TTBK2: variants seen among roughly 807,000 people sequenced by gnomAD.
The protein encoded by TTBK2 is tau tubulin kinase 2.
Under a neutral mutation model 110.8 loss-of-function variants are expected in TTBK2, and 28 were observed. The observed-to-expected ratio is 0.25, with a 90% CI of 0.19 to 0.35. The LOEUF is 0.35. TTBK2 is among the 10% of genes least tolerant of loss of function. The pLI is 1.00. For missense variants in TTBK2, 1,369 were observed against 1,500.3 expected (o/e 0.91, Z 1.45); for synonymous variants, 532 against 527.3 (o/e 1.01, Z -0.12).
At chr15:42,805,145 A>G (rs1052184623) in intron 9 of TTBK2, among the ~76,000 whole-genome samples, 1 of 152,232 alleles carries the variant, frequency 6.6e-6, no homozygotes, top group African/African-American at 2.4e-5. Context: ...AAATGTTAAC[A>G]AAACACAGTC....
rs1595965334 is a variant in TTBK2, at chr15:42,835,257, G to T, written c.291+5103C>A. 2.0e-5 allele frequency among the ~76,000 whole-genome samples: 3 copies of T among 152,242 alleles called. No individual in the cohort carries two copies. The South Asian group carries it at 6.2e-4, about 32-fold the overall frequency. On this transcript the variant is annotated intron_variant, in intron 4 of 14. Transcript: ENST00000267890. ...TCAGACTGACAATGCTGAACTCACT[G>T]ACCAATCTTAACCTCACTGAAAGAC... is the stretch of plus-strand genomic sequence containing the variant.
intron 13 of TTBK2, among the ~76,000 whole-genome samples, chr15:42,760,441 T>C (rs558480396): frequency 3.5e-5 from 5 of 144,534 alleles, no homozygotes; most frequent in Admixed American, 1.4e-4. Flanking sequence ...AAAAATACAA[T>C]TGAGAGCTTC....
chr15:42,777,065 G>T lies in TTBK2; in HGVS notation c.1375C>A (p.Pro459Thr). 1.2e-6 allele frequency: 2 copies of T among 1,614,048 alleles called. No homozygotes were observed. Among genetic ancestry groups the T allele is most frequent in the Non-Finnish European group, 1.7e-6 (2 of 1,179,982 alleles). ...FELEKRLTLEPKPDTDKFLET... is the reference protein window; with the variant it reads ...FELEKRLTLETKPDTDKFLET... ...AGGAACTTGTCAGTGTCTGGCTTTG[G>T]CTCCAGGGTCAGACGTTTTTCCAGC... is the stretch of plus-strand genomic sequence containing the variant. The change falls in exon 12 of 15, where the codon CCA becomes ACA. Residue 459 changes from proline to threonine, a missense_variant. Around this residue, in one of 4 missense-constraint regions of TTBK2, gnomAD observed 1,097 missense variants for 1,114.7 expected, o/e 0.98. Coordinates refer to ENST00000267890, the MANE Select transcript of TTBK2 (RefSeq NM_173500.4).
At chr15:42,864,980 T>C (rs1894309037) in intron 3 of TTBK2, among the ~76,000 whole-genome samples, 1 of 152,126 alleles carries the variant, frequency 6.6e-6, no homozygotes, top group Admixed American at 6.5e-5. Context: ...TACAATGATA[T>C]AAAGGACAGG....
chr15:42,881,185 AGGCAGGAGAAT>A (rs1178258259), intron 1 of TTBK2, among the ~76,000 whole-genome samples: 1 of 147,194 alleles, frequency 6.8e-6, no homozygotes, highest in Admixed American at 7.0e-5. Flanking sequence ...CAGGAGGCTG[AGGCAGGAGAAT>A]GGCGTGAACC....
chr15:42,828,070 A>G, intron 5 of TTBK2, 38 bp from the exon 6 acceptor site: 1 of 1,448,488 alleles, frequency 6.9e-7, no homozygotes, highest in South Asian at 1.2e-5. Context: ...ACATTCTTAT[A>G]ATACTTAGTC....
chr15:42,864,110 A>AAGCAACCTAGAAACT (rs1894268276), intron 3 of TTBK2, among the ~76,000 whole-genome samples: 2 of 152,182 alleles, frequency 1.3e-5, no homozygotes, highest in South Asian at 4.1e-4. Flanking sequence ...AACTTCCACA[A>AAGCAACCTAGAAACT]AGCAACCTAG....
chr15:42,919,806 A>C, intron 1 of TTBK2: 1 of 985,414 alleles, frequency 1.0e-6, no homozygotes. Context: ...CTGTAGAATA[A>C]AGTATCCTGG....
intron 2 of TTBK2, among the ~76,000 whole-genome samples, chr15:42,878,018 T>C (rs77410248): frequency 7.3e-6 from 1 of 137,066 alleles, no homozygotes; most frequent in Non-Finnish European, 1.6e-5. Context: ...TTTTCCTTAA[T>C]AAAAAAAAAA....
intron 13 of TTBK2, among the ~76,000 whole-genome samples, chr15:42,771,022 G>A (rs1183588967): frequency 4.6e-5 from 7 of 151,090 alleles, no homozygotes; most frequent in African/African-American, 1.7e-4. Flanking sequence ...CGCCCAGGCT[G>A]GAGTGCAGTG....
intron 6 of TTBK2, among the ~76,000 whole-genome samples, chr15:42,827,539 C>T (rs1892583886): frequency 6.6e-6 from 1 of 152,082 alleles, no homozygotes; most frequent in African/African-American, 2.4e-5. Flanking sequence ...CTTGATTAAA[C>T]AAGTAAAAGA....
chr15:42,886,329 C>T (rs1895245417), intron 1 of TTBK2, among the ~76,000 whole-genome samples: 1 of 152,190 alleles, frequency 6.6e-6, no homozygotes, highest in South Asian at 2.1e-4. Context: ...CCCTCTCCCA[C>T]CTGCCCAACA....
intron 11 of TTBK2, 113 bp downstream of exon 11, chr15:42,783,306 G>T: frequency 2.0e-6 from 2 of 987,276 alleles, no homozygotes; most frequent in Non-Finnish European, 1.6e-6. Context: ...CAGCAAGGAG[G>T]AGCCACAAAA....
intron 6 of TTBK2, among the ~76,000 whole-genome samples, chr15:42,823,635 G>A (rs760283353): frequency 3.2e-4 from 49 of 152,214 alleles, no homozygotes; most frequent in Non-Finnish European, 6.0e-4. Flanking sequence ...TAGTCCATTT[G>A]TACTGCTACA....
intron 11 of TTBK2, among the ~76,000 whole-genome samples, chr15:42,782,134 T>C (rs977541006): frequency 9.9e-5 from 15 of 152,152 alleles, no homozygotes; most frequent in African/African-American, 3.1e-4. Flanking sequence ...TGCAGTGGCA[T>C]GATCTTGGCT....
Position 42,783,571 on chromosome 15 carries a change from C to T in TTBK2, c.1045G>A (p.Asp349Asn). 6.2e-7 allele frequency: 1 copy of T among 1,614,058 alleles called. No homozygotes were observed. Among genetic ancestry groups the T allele is most frequent in the Non-Finnish European group, 8.5e-7 (1 of 1,180,042 alleles). ...LRENTDEVFP[D>N]EQLSDGENGI... is the part of the protein sequence containing the mutation. ...TTTTCTCCATCGCTAAGCTGTTCAT[C>T]TGGAAATACCTCATCTGTATTTTCT... The change falls in exon 11 of 15, where the codon GAT (aspartate) becomes AAT (asparagine). Residue 349 changes from aspartate (D) to asparagine (N), a missense_variant. By Grantham distance (23) the Asp-to-Asn change is conservative. This residue lies in a region of TTBK2 where 1,097 missense variants were observed against 1,114.7 expected (regional missense o/e 0.98). Transcript: ENST00000267890.
At chr15:42,897,576 T>TAAA (rs1895715390) in intron 1 of TTBK2, among the ~76,000 whole-genome samples, 2 of 152,278 alleles carry the variant, frequency 1.3e-5, no homozygotes, top group Admixed American at 1.3e-4. Context: ...AAGCAAAGTC[T>TAAA]GGGCTAAAAG....
At chr15:42,817,317 C>T (rs1892082132) in intron 6 of TTBK2, among the ~76,000 whole-genome samples, 1 of 151,550 alleles carries the variant, frequency 6.6e-6, no homozygotes, top group Admixed American at 6.6e-5. Context: ...ATTTTCAGTC[C>T]AGTTTTTTCC....
intron 14 of TTBK2, among the ~76,000 whole-genome samples, chr15:42,748,215 G>T (rs1009881569): frequency 6.6e-6 from 1 of 152,106 alleles, no homozygotes; most frequent in Non-Finnish European, 1.5e-5. Context: ...CCAGCACTTT[G>T]GGGGGTTGAG....
Sources: allele counts gnomAD v4.1 joint callset (sites outside exome capture counted in the v4.1 genomes callset), GRCh38; gene constraint gnomAD v4.1.1; regional missense constraint gnomAD v4.1.1; transcripts MANE v1.5; gene names NCBI Gene and HGNC (gene_info 2026-07-23, HGNC 2026-07-21).